The following SLC4A4 variants were observed in gnomAD, a reference collection of about 807,000 sequenced individuals.
The protein encoded by SLC4A4 is electrogenic sodium bicarbonate cotransporter 1.
A neutral mutation model predicts 111.5 loss-of-function variants in SLC4A4; 27 were observed. The observed-to-expected ratio is 0.24, with a 90% CI of 0.18 to 0.33. The LOEUF is 0.33. Among genes scored for constraint, SLC4A4 ranks in the 10% least tolerant of loss-of-function variants. SLC4A4 has a pLI of 1.00. For missense variants in SLC4A4, 909 were observed against 1,315.5 expected, an observed-to-expected ratio of 0.69 and a Z score of 4.78; for synonymous variants, 443 against 463.4, an observed-to-expected ratio of 0.96 and a Z score of 0.57.
intron 7 of SLC4A4, among the ~76,000 whole-genome samples, chr4:71,400,338 G>T (rs1385387894): frequency 6.6e-6 from 1 of 152,124 alleles, no homozygotes; most frequent in Non-Finnish European, 1.5e-5. Flanking sequence ...AACATTTTTT[G>T]TGGGTATTGA....
At chr4:71,511,457 G>A (rs28523655) in intron 16 of SLC4A4, among the ~76,000 whole-genome samples, 1 of 151,450 alleles carries the variant, frequency 6.6e-6, no homozygotes, top group African/African-American at 2.4e-5. Flanking sequence ...ATTTTTTAAG[G>A]TGTCTTTAGT....
Position 71,497,533 on chromosome 4 carries a change from G to A in SLC4A4, c.2007G>A (p.Leu669=). Residue 669 remains leucine, a synonymous_variant, in exon 16 of 26, where the codon TTG becomes TTA. Transcript: ENST00000264485. ...YHNTTFDWAF[L]SKKECSKYGG... ...ATACTACCTTTGACTGGGCATTTTT[G>A]TCGAAGAAGGAGTGTTCAAAATACG... The A allele has an allele frequency of 2.5e-6, 4 of 1,613,404 alleles. No homozygotes were observed. The highest frequency in any genetic ancestry group is 3.4e-6 in the Non-Finnish European group (4 of 1,179,712).
At chr4:71,418,945 G>A (rs1383119064) in intron 7 of SLC4A4, among the ~76,000 whole-genome samples, 2 of 152,212 alleles carry the variant, frequency 1.3e-5, no homozygotes, top group African/African-American at 4.8e-5. Flanking sequence ...GTTGGAGTTT[G>A]CTAGAGGTCC....
chr4:71,350,044 G>A lies in SLC4A4; in HGVS notation c.522G>A (p.Arg174=). The change falls in exon 5 of 26, where the codon CGG becomes CGA. Residue 174 remains arginine (R), a synonymous_variant. Transcript: ENST00000264485. The stretch of plus-strand genomic sequence containing the variant: ...AGAAAGGATCCATCATGCTTGATCG[G>A]GAGGCTTCTTCTCTCCCACAGTTGG... ...CMEKGSIMLD[R]EASSLPQLVE... is the part of the protein sequence containing the mutation. 1 of 1,614,058 alleles carries A rather than the reference G, an allele frequency of 6.2e-7. No homozygotes were observed. Among genetic ancestry groups the A allele is most frequent in the Non-Finnish European group, 8.5e-7 (1 of 1,180,002 alleles).
In SLC4A4 at chr4:71,449,166, C is replaced by A. The variant is rs75882182; in HGVS notation, c.1054-1223C>A. On this transcript the variant is annotated intron_variant, in intron 9 of 25. Coordinates refer to ENST00000264485, the MANE Select transcript of SLC4A4 (RefSeq NM_001098484.3). ...CTAAGGCTCTTGCTAAATTTATGATCTTAAAATAGCATGTTTTCTTTTCCT... is the reference window on the plus strand; with the variant it reads ...CTAAGGCTCTTGCTAAATTTATGATATTAAAATAGCATGTTTTCTTTTCCT... 5.3e-5 allele frequency among the ~76,000 whole-genome samples: 8 copies of A among 152,228 alleles called. No individual in the cohort carries two copies. The East Asian group carries it at 1.5e-3, about 29-fold the overall frequency.
chr4:71,487,361 T>C (rs28602682), intron 15 of SLC4A4, among the ~76,000 whole-genome samples: 2,386 of 151,768 alleles, frequency 0.016, 57 homozygotes, highest in African/African-American at 0.052. Context: ...GAGCACAGTA[T>C]CCTCTCTCTG....
intron 2 of SLC4A4, among the ~76,000 whole-genome samples, chr4:71,112,868 T>C (rs1290827854): frequency 6.6e-6 from 1 of 152,212 alleles, no homozygotes; most frequent in Non-Finnish European, 1.5e-5. Context: ...AAAAAATATT[T>C]AGTGATCATT....
intron 1 of SLC4A4, among the ~76,000 whole-genome samples, chr4:71,086,252 T>A (rs1412120922): frequency 2.6e-5 from 4 of 151,618 alleles, no homozygotes; most frequent in Non-Finnish European, 5.9e-5. Flanking sequence ...GCATATTGAT[T>A]TTGTATCCTG....
At chr4:71,530,912 C>A (rs1733856911) in intron 16 of SLC4A4, among the ~76,000 whole-genome samples, 1 of 152,234 alleles carries the variant, frequency 6.6e-6, no homozygotes, top group African/African-American at 2.4e-5. Context: ...ACTGCTCACC[C>A]TGAGATAACT....
chr4:71,549,252 T>C (rs1035811922), intron 20 of SLC4A4, among the ~76,000 whole-genome samples: 2 of 151,922 alleles, frequency 1.3e-5, no homozygotes, highest in Admixed American at 6.6e-5. Flanking sequence ...AAATGCTTTA[T>C]GTTCTTCCGT....
chr4:71,563,970 A>G (rs1328490528), intron 24 of SLC4A4, 81 bp downstream of exon 24: 8 of 881,262 alleles, frequency 9.1e-6, no homozygotes, highest in Non-Finnish European at 1.5e-5. Flanking sequence ...GGCCATCTGC[A>G]TTAACTTTCC....
intron 1 of SLC4A4, among the ~76,000 whole-genome samples, chr4:71,214,304 G>A (rs1353892465): frequency 6.6e-6 from 1 of 152,166 alleles, no homozygotes; most frequent in East Asian, 1.9e-4. Flanking sequence ...GAAGAGGTTT[G>A]AAAGGGAATG....
chr4:71,172,865 G>A (rs1744982158), intron 2 of SLC4A4, among the ~76,000 whole-genome samples: 1 of 152,182 alleles, frequency 6.6e-6, no homozygotes, highest in African/African-American at 2.4e-5. Flanking sequence ...CACAGTATCA[G>A]TAGTCCTCCC....
chr4:71,245,097 G>T (rs1033853528), intron 2 of SLC4A4, among the ~76,000 whole-genome samples: 119 of 152,206 alleles, frequency 7.8e-4, no homozygotes, highest in African/African-American at 2.7e-3. Context: ...ATTCCAGGCA[G>T]GCATGTGTGA....
intron 4 of SLC4A4, among the ~76,000 whole-genome samples, chr4:71,344,016 C>A (rs920383323): frequency 6.6e-6 from 1 of 152,056 alleles, no homozygotes; most frequent in African/African-American, 2.4e-5. Context: ...TAATTGAAAC[C>A]TTCCCCCAAT....
rs934683051 is a variant in SLC4A4, at chr4:71,392,704, A to T, written c.731-4873A>T. Among the ~76,000 whole-genome samples the T allele has an allele frequency of 2.0e-5, 3 of 152,270 alleles. No individual in the cohort carries two copies. In the East Asian group the frequency reaches 5.8e-4, roughly 29 times the overall value. On this transcript the variant is annotated intron_variant, in intron 6 of 25. Transcript: ENST00000264485. ...CCTAATACCCAAACCAGGAAAGGAC[A>T]TAATCAAAAAAGACAACTACAGACT...
intron 2 of SLC4A4, among the ~76,000 whole-genome samples, chr4:71,176,421 A>T (rs1437827511): frequency 6.6e-6 from 1 of 152,198 alleles, no homozygotes. Flanking sequence ...AAAGAAGTTA[A>T]AAACCTTGAA....
chr4:71,080,646 G>A (rs759806997), intron 1 of SLC4A4, among the ~76,000 whole-genome samples: 22 of 151,950 alleles, frequency 1.4e-4, no homozygotes, highest in Non-Finnish European at 2.8e-4. Flanking sequence ...GTAAACTAAG[G>A]ATTGCTTGTG....
chr4:71,563,906 TCTTGCATG>T lies in SLC4A4; in HGVS notation c.3196+23_3196+30del, dbSNP rs1386040700. On this transcript the variant is annotated intron_variant, in intron 24 of 25. Transcript: ENST00000264485. ...CTTCTGACAGTGAGTAGAACTAACC[TCTTGCATG>T]CTTGCTTGAATATGATTTGCACTTA... The T allele has an allele frequency of 2.7e-6, 4 of 1,477,072 alleles. No individual in the cohort carries two copies. Among genetic ancestry groups the T allele is most frequent in the Non-Finnish European group, 3.8e-6 (4 of 1,056,232 alleles). 91.5% of individuals were successfully genotyped at this position (1,477,072 alleles called of 1,614,324 possible).
Sources: allele counts gnomAD v4.1 joint callset (sites outside exome capture counted in the v4.1 genomes callset), GRCh38; gene constraint gnomAD v4.1.1; transcripts MANE v1.5; gene names NCBI Gene and HGNC (gene_info 2026-07-23, HGNC 2026-07-21).